Variants in FUT9 observed in about 807,000 individuals in gnomAD.
FUT9 encodes fucosyltransferase 9, also known as 4-galactosyl-N-acetylglucosaminide 3-alpha-L-fucosyltransferase 9.
Under a neutral mutation model 29.7 loss-of-function variants are expected in FUT9, and 15 were observed. The ratio of observed to expected loss-of-function variants is 0.51; its 90% CI spans 0.34 to 0.78. The LOEUF (loss-of-function observed/expected upper bound fraction) is 0.78, where lower values mean the gene tolerates loss of function less well. Ranked by LOEUF, FUT9 falls within the 30% of genes least tolerant of loss-of-function variation. The pLI is 0.01. For missense variants in FUT9, 319 were observed against 425.4 expected, an observed-to-expected ratio of 0.75 and a Z score of 2.20; for synonymous variants, 169 against 153.7, an observed-to-expected ratio of 1.10 and a Z score of -0.74.
chr6:96,053,237 A>T (rs1234633810), intron 1 of FUT9, among the ~76,000 whole-genome samples: 2 of 152,164 alleles, frequency 1.3e-5, no homozygotes, highest in Non-Finnish European at 2.9e-5. Flanking sequence ...AAAGCAAGGC[A>T]TTTTTTAGTT....
intron 2 of FUT9, among the ~76,000 whole-genome samples, chr6:96,176,715 T>C (rs1773211382): frequency 6.6e-6 from 1 of 152,164 alleles, no homozygotes; most frequent in Non-Finnish European, 1.5e-5. Context: ...GGGCCATGCT[T>C]CCTGGCTCCT....
At chr6:96,151,318 T>C (rs972838472) in intron 2 of FUT9, among the ~76,000 whole-genome samples, 1 of 152,150 alleles carries the variant, frequency 6.6e-6, no homozygotes, top group Non-Finnish European at 1.5e-5. Context: ...GAATTTTTTT[T>C]CCAAAATACA....
chr6:96,134,941 C>T (rs1772319629), intron 2 of FUT9, among the ~76,000 whole-genome samples: 1 of 151,664 alleles, frequency 6.6e-6, no homozygotes, highest in South Asian at 2.1e-4. Context: ...TGTATTTGTC[C>T]TCGGTCCCCC....
chr6:96,018,884 G>A (rs1011898154), intron 1 of FUT9, among the ~76,000 whole-genome samples: 1 of 151,734 alleles, frequency 6.6e-6, no homozygotes, highest in Non-Finnish European at 1.5e-5. Flanking sequence ...TCAAATTAAG[G>A]TAACTAAATA....
At position 96,182,683 on chromosome 6, in the gene FUT9, T is replaced by A. The variant is rs150522837; in HGVS notation, c.-8-20465T>A. On this transcript the variant is annotated intron_variant, in intron 2 of 2. Coordinates refer to ENST00000302103, the MANE Select transcript of FUT9 (RefSeq NM_006581.4). ...GCTAGCCAATTATCCCAGCACCATT[T>A]GTGGAATAGGGTGTCCTTTCCTCAC... 9.5e-4 allele frequency among the ~76,000 whole-genome samples: 145 copies of A among 152,290 alleles called. 5 individuals carry two copies. In the South Asian group the frequency reaches 0.02, roughly 22 times the overall value.
At chr6:96,070,323 A>G (rs1156611115) in intron 1 of FUT9, among the ~76,000 whole-genome samples, 2 of 152,258 alleles carry the variant, frequency 1.3e-5, no homozygotes, top group Non-Finnish European at 2.9e-5. Context: ...ATTTGTAATC[A>G]CAAAATATTG....
chr6:96,097,051 C>G (rs950325038), intron 1 of FUT9, among the ~76,000 whole-genome samples: 4 of 152,112 alleles, frequency 2.6e-5, no homozygotes, highest in Non-Finnish European at 4.4e-5. Flanking sequence ...AAATCATTTT[C>G]CACGACTATC....
intron 2 of FUT9, among the ~76,000 whole-genome samples, chr6:96,190,543 C>A (rs1035860335): frequency 1.3e-5 from 2 of 152,170 alleles, no homozygotes; most frequent in Non-Finnish European, 2.9e-5. Flanking sequence ...TTCACGTATA[C>A]CAATCAGATG....
At chr6:96,034,179 C>G (rs920231707) in intron 1 of FUT9, among the ~76,000 whole-genome samples, 1 of 151,570 alleles carries the variant, frequency 6.6e-6, no homozygotes, top group Non-Finnish European at 1.5e-5. Context: ...TCCAGCACAT[C>G]ACCCTTCTGA....
chr6:96,135,144 A>T (rs10447456), intron 2 of FUT9, among the ~76,000 whole-genome samples: 52,324 of 151,744 alleles, frequency 0.34, 10,491 homozygotes, highest in Middle Eastern at 0.5. Flanking sequence ...AATGTGGAAG[A>T]TAAATTATCA....
At chr6:96,137,325 T>A (rs1402978257) in intron 2 of FUT9, among the ~76,000 whole-genome samples, 1 of 152,046 alleles carries the variant, frequency 6.6e-6, no homozygotes, top group Non-Finnish European at 1.5e-5. Flanking sequence ...GTGTAGAGAA[T>A]GAATATCCAT....
intron 1 of FUT9, among the ~76,000 whole-genome samples, chr6:96,030,055 C>T (rs1285816354): frequency 2.0e-5 from 3 of 151,520 alleles, no homozygotes; most frequent in South Asian, 2.1e-4. Context: ...TTTCTGATGA[C>T]CAGAACTCCT....
At chr6:96,109,508 C>T (rs1274444428) in intron 1 of FUT9, among the ~76,000 whole-genome samples, 1 of 152,082 alleles carries the variant, frequency 6.6e-6, no homozygotes, top group Non-Finnish European at 1.5e-5. Flanking sequence ...CCCTTCTCTA[C>T]AAAAAAATTA....
chr6:96,191,814 G>A (rs1315114516), intron 2 of FUT9, among the ~76,000 whole-genome samples: 1 of 152,068 alleles, frequency 6.6e-6, no homozygotes, highest in Non-Finnish European at 1.5e-5. Flanking sequence ...TAAAATACTG[G>A]CAAACCGAAT....
At chr6:96,156,662 A>T (rs572136911) in intron 2 of FUT9, among the ~76,000 whole-genome samples, 52 of 152,260 alleles carry the variant, frequency 3.4e-4, no homozygotes, top group Non-Finnish European at 7.1e-4. Context: ...TATCTGCACA[A>T]AATATCTGGT....
Position 96,204,232 on chromosome 6 carries a change from T to A in FUT9, c.1077T>A (p.Asn359Lys). Reference protein sequence around the residue: ...SVGNLEKWFWN With the variant: ...SVGNLEKWFWK ...GTAATTTAGAGAAATGGTTTTGGAA[T>A]TAAAATTTTTCATCACTTGCACACT... The change falls in exon 3 of 3, where the codon AAT becomes AAA. Residue 359 changes from asparagine to lysine, a missense_variant. Coordinates refer to ENST00000302103, the MANE Select transcript of FUT9 (RefSeq NM_006581.4). 6.9e-7 allele frequency: 1 copy of A among 1,441,716 alleles called. No individual in the cohort carries two copies. Among genetic ancestry groups the A allele is most frequent in the Non-Finnish European group, 9.1e-7 (1 of 1,093,782 alleles). The allele number at this position is 1,441,716 out of a possible 1,614,324, so 89.3% of individuals were successfully genotyped here. A position where few individuals can be genotyped will look rare whatever the true frequency, so the allele number is the denominator to read the frequency against.
intron 1 of FUT9, among the ~76,000 whole-genome samples, chr6:96,106,294 G>A (rs1371887557): frequency 1.5e-5 from 2 of 131,804 alleles, no homozygotes; most frequent in African/African-American, 5.4e-5. Context: ...TGGGAGGGAG[G>A]GTTATTGGGA....
chr6:96,160,563 A>C (rs1355481697), intron 2 of FUT9, among the ~76,000 whole-genome samples: 3 of 152,172 alleles, frequency 2.0e-5, no homozygotes, highest in Non-Finnish European at 2.9e-5. Context: ...TATTTATTAA[A>C]TTGTTATATA....
chr6:96,057,480 G>T (rs1428475119), intron 1 of FUT9, among the ~76,000 whole-genome samples: 1 of 152,126 alleles, frequency 6.6e-6, no homozygotes, highest in Non-Finnish European at 1.5e-5. Flanking sequence ...AAACTGAATT[G>T]CTAAGGCACT....
Sources: allele counts gnomAD v4.1 joint callset (sites outside exome capture counted in the v4.1 genomes callset), GRCh38; gene constraint gnomAD v4.1.1; transcripts MANE v1.5; gene names NCBI Gene and HGNC (gene_info 2026-07-23, HGNC 2026-07-21).